The following CUBN variants were observed in gnomAD, a reference collection of about 807,000 sequenced individuals.
The protein encoded by CUBN is 460 kDa receptor.
A neutral mutation model predicts 405.3 loss-of-function variants in CUBN; 282 were observed. That is an observed-to-expected ratio of 0.70 (90% confidence interval 0.63 to 0.77). The LOEUF (loss-of-function observed/expected upper bound fraction) is 0.77. Among genes scored for constraint, CUBN ranks in the 30% least tolerant of loss-of-function variants. The probability of loss-of-function intolerance (pLI) is 0.00; values close to 1 mark genes in which losing one functional copy is unlikely to be tolerated. For missense variants in CUBN, 4,514 were observed against 4,475.2 expected (o/e 1.01, Z -0.25); for synonymous variants, 1,684 against 1,617.0 (o/e 1.04, Z -0.99).
intron 17 of CUBN, among the ~76,000 whole-genome samples, chr10:17,074,711 A>G (rs1217298786): frequency 6.6e-6 from 1 of 152,212 alleles, no homozygotes; most frequent in Non-Finnish European, 1.5e-5. Flanking sequence ...TGGGGTCCAG[A>G]CAATCAACTG....
At chr10:16,850,299 T>C (rs1288529242) in intron 60 of CUBN, among the ~76,000 whole-genome samples, 2 of 152,226 alleles carry the variant, frequency 1.3e-5, no homozygotes, top group Non-Finnish European at 2.9e-5. Context: ...AAGCTCCTCA[T>C]AAATACAAAT....
intron 14 of CUBN, among the ~76,000 whole-genome samples, chr10:17,091,603 C>T (rs1013185818): frequency 6.6e-6 from 1 of 151,914 alleles, no homozygotes; most frequent in African/African-American, 2.4e-5. Flanking sequence ...AAATACTGAA[C>T]CTAAAGAATG....
At chr10:17,026,748 G>T (rs1361909637) in intron 27 of CUBN, among the ~76,000 whole-genome samples, 2 of 152,200 alleles carry the variant, frequency 1.3e-5, no homozygotes, top group Non-Finnish European at 2.9e-5. Flanking sequence ...GGATAAATGA[G>T]GCAAATGTAG....
intron 54 of CUBN, among the ~76,000 whole-genome samples, chr10:16,895,695 G>T (rs1333125242): frequency 6.6e-6 from 1 of 152,004 alleles, no homozygotes; most frequent in African/African-American, 2.4e-5. Context: ...TACTTCATCA[G>T]ATATAAATAT....
At chr10:16,852,541 C>T (rs1211659267) in intron 59 of CUBN, among the ~76,000 whole-genome samples, 1 of 152,064 alleles carries the variant, frequency 6.6e-6, no homozygotes, top group Non-Finnish European at 1.5e-5. Context: ...CTTTGCCTCC[C>T]TCGCTCTTTG....
intron 27 of CUBN, among the ~76,000 whole-genome samples, chr10:17,030,142 CAGGAAA>C: frequency 6.6e-6 from 1 of 152,196 alleles, no homozygotes; most frequent in Non-Finnish European, 1.5e-5. Context: ...CTGTCTAATG[CAGGAAA>C]CCAAGCTCAG....
Position 16,865,805 on chromosome 10 carries a change from G to A in CUBN, c.9454+3831C>T, listed in dbSNP as rs186418588. 5.3e-5 allele frequency among the ~76,000 whole-genome samples: 8 copies of A among 152,178 alleles called. No individual in the cohort carries two copies. In the East Asian group the frequency reaches 1.2e-3, roughly 22 times the overall value. ...GCAACCTGCTCGGGTACCCTTCCAC[G>A]CTGCGGAAGTTTTGTTTTTTTGCTC... is the stretch of plus-strand genomic sequence containing the variant. On this transcript the variant is annotated intron_variant, in intron 59 of 66. Transcript: ENST00000377833.
chr10:16,962,623 G>T lies in CUBN; in HGVS notation c.4696-8075C>A, dbSNP rs1843264826. ...TCACCTCCATAATGAGGTGAGAAAA[G>T]ATGGTTCCTGCCCTCTTGCTAGCAC... On this transcript the variant is annotated intron_variant, in intron 31 of 66. Coordinates refer to ENST00000377833, the MANE Select transcript of CUBN (RefSeq NM_001081.4). Among the ~76,000 whole-genome samples, 3 of 152,172 alleles carry T rather than the reference G, an allele frequency of 2.0e-5. No homozygotes were observed. The South Asian group carries it at 6.2e-4, about 32-fold the overall frequency.
chr10:16,965,245 T>C (rs962381010), intron 31 of CUBN, among the ~76,000 whole-genome samples: 1 of 152,208 alleles, frequency 6.6e-6, no homozygotes, highest in Non-Finnish European at 1.5e-5. Context: ...TGTGTCTTCC[T>C]TCCATTCAGT....
intron 31 of CUBN, among the ~76,000 whole-genome samples, chr10:16,955,295 C>T (rs1843025196): frequency 1.4e-5 from 2 of 145,128 alleles, no homozygotes; most frequent in African/African-American, 5.1e-5. Context: ...ATTGCTTGAA[C>T]CTGGGAGGCG....
intron 60 of CUBN, among the ~76,000 whole-genome samples, chr10:16,850,216 C>T (rs1839645823): frequency 1.3e-5 from 2 of 152,166 alleles, no homozygotes; most frequent in South Asian, 2.1e-4. Context: ...TTCATTAGCG[C>T]TTAAATGCTG....
rs1420336501 is a variant in CUBN, at chr10:16,841,060, A to G, written c.9664-13T>C. The G allele has an allele frequency of 2.5e-6, 4 of 1,613,170 alleles. No individual in the cohort carries two copies. Among genetic ancestry groups the G allele is most frequent in the African/African-American group, 2.7e-5 (2 of 74,926 alleles). On this transcript the variant is annotated splice_polypyrimidine_tract_variant and intron_variant, in intron 60 of 66. Coordinates refer to ENST00000377833, the MANE Select transcript of CUBN (RefSeq NM_001081.4). The stretch of plus-strand genomic sequence containing the variant: ...CCCCATCATATAACTGAGAAGAAAA[A>G]CAATTCATTACTTCTCCATTACTTA...
intron 59 of CUBN, among the ~76,000 whole-genome samples, chr10:16,869,087 T>C (rs1170642556): frequency 6.6e-6 from 1 of 151,970 alleles, no homozygotes; most frequent in Non-Finnish European, 1.5e-5. Flanking sequence ...ACACTTCCCA[T>C]CTAGATTTCT....
chr10:16,933,400 T>C, intron 39 of CUBN, 116 bp from the exon 40 acceptor site: 2 of 871,812 alleles, frequency 2.3e-6, no homozygotes, highest in Non-Finnish European at 3.7e-6. Flanking sequence ...ATTGAAACAA[T>C]TTCTCAGAGA....
At position 17,041,122 on chromosome 10, in the gene CUBN, T is replaced by C. The variant is rs1325181765; in HGVS notation, c.3928A>G (p.Ile1310Val). 1 of 1,613,418 alleles carries C rather than the reference T, an allele frequency of 6.2e-7. No individual in the cohort carries two copies. The highest frequency in any genetic ancestry group is 1.7e-5 in the Admixed American group (1 of 59,948). ...YSENQHCNWT[I>V]RATTGNTVNY... ...ACAGTGTTGCCTGTTGTTGCCCGGA[T>C]GGTCCAGTTGCAATGCTGATTTTCA... Residue 1310 changes from isoleucine to valine, a missense_variant, in exon 27 of 67, where the codon ATC becomes GTC. Physicochemically the swap from Ile to Val is conservative, Grantham distance 29. Coordinates refer to ENST00000377833, the MANE Select transcript of CUBN (RefSeq NM_001081.4).
chr10:17,088,681 T>G (rs556325193), intron 14 of CUBN, among the ~76,000 whole-genome samples: 1 of 152,352 alleles, frequency 6.6e-6, no homozygotes, highest in African/African-American at 2.4e-5. Context: ...AATTTCTGTA[T>G]GTGAAATTGT....
At chr10:17,040,502 A>T (rs886297754) in intron 27 of CUBN, among the ~76,000 whole-genome samples, 12 of 152,214 alleles carry the variant, frequency 7.9e-5, no homozygotes, top group Non-Finnish European at 1.5e-4. Flanking sequence ...CTAATATTTA[A>T]GCAAGATTTA....
At chr10:16,959,682 T>C (rs2131642436) in intron 31 of CUBN, among the ~76,000 whole-genome samples, 1 of 151,492 alleles carries the variant, frequency 6.6e-6, no homozygotes, top group Admixed American at 6.6e-5. Flanking sequence ...ATTTATAAAA[T>C]TCCACAAGAA....
intron 60 of CUBN, among the ~76,000 whole-genome samples, chr10:16,847,098 T>C (rs1284419587): frequency 6.6e-6 from 1 of 152,192 alleles, no homozygotes; most frequent in South Asian, 2.1e-4. Context: ...ATGTTGTTTC[T>C]ATTTATGATT....
Sources: gnomAD v4.1 joint callset for allele counts (sites outside exome capture counted in the v4.1 genomes callset) on GRCh38, gnomAD v4.1.1 for gene constraint, MANE v1.5 for transcripts, NCBI Gene and HGNC (gene_info 2026-07-23, HGNC 2026-07-21) for gene names.